ZMAT4: variants seen among roughly 807,000 people sequenced by gnomAD.
ZMAT4 encodes the protein zinc finger matrin-type protein 4.
A neutral mutation model predicts 28.7 loss-of-function variants in ZMAT4; 17 were observed. The observed-to-expected ratio is 0.59, with a 90% CI of 0.41 to 0.89. The LOEUF (loss-of-function observed/expected upper bound fraction) is 0.89, where lower values mean the gene tolerates loss of function less well. ZMAT4 is among the 40% of genes least tolerant of loss of function. The pLI, the probability that ZMAT4 is intolerant of heterozygous loss-of-function variation, is 0.00. For synonymous variants in ZMAT4, 117 were observed against 109.2 expected, an observed-to-expected ratio of 1.07 and a Z score of -0.44; for missense variants, 240 against 283.8, an observed-to-expected ratio of 0.85 and a Z score of 1.11.
At chr8:40,581,390 A>G in intron 5 of ZMAT4, 129 bp from the exon 6 acceptor site, 1 of 660,472 alleles carries the variant, frequency 1.5e-6, no homozygotes, top group Non-Finnish European at 2.7e-6. Context: ...CAACACTTCA[A>G]CCCTTCCTTG....
At chr8:40,700,052 A>T (rs1810065107) in intron 3 of ZMAT4, among the ~76,000 whole-genome samples, 1 of 152,220 alleles carries the variant, frequency 6.6e-6, no homozygotes, top group African/African-American at 2.4e-5. Context: ...GACTTATGGT[A>T]TGTATTTACC....
At chr8:40,622,186 G>A (rs1257540926) in intron 5 of ZMAT4, among the ~76,000 whole-genome samples, 1 of 152,192 alleles carries the variant, frequency 6.6e-6, no homozygotes, top group Non-Finnish European at 1.5e-5. Context: ...TATGGCTTAT[G>A]TTTCATATGT....
chr8:40,797,911 T>C (rs1321003452), intron 2 of ZMAT4, among the ~76,000 whole-genome samples: 2 of 152,182 alleles, frequency 1.3e-5, no homozygotes, highest in Non-Finnish European at 2.9e-5. Context: ...CAGAACCCTC[T>C]AAGGAGTGAG....
intron 5 of ZMAT4, among the ~76,000 whole-genome samples, chr8:40,657,963 T>A (rs1585832479): frequency 6.6e-6 from 1 of 152,320 alleles, no homozygotes; most frequent in Middle Eastern, 3.4e-3. Flanking sequence ...GTGTTTTAAT[T>A]TTTAAAAATA....
At chr8:40,615,754 T>C (rs1340139175) in intron 5 of ZMAT4, among the ~76,000 whole-genome samples, 1 of 152,246 alleles carries the variant, frequency 6.6e-6, no homozygotes, top group Non-Finnish European at 1.5e-5. Flanking sequence ...CAAGTAGTTC[T>C]CGTGCCATGG....
intron 1 of ZMAT4, among the ~76,000 whole-genome samples, chr8:40,858,548 G>A (rs1817378900): frequency 6.6e-6 from 1 of 152,208 alleles, no homozygotes; most frequent in Admixed American, 6.5e-5. Context: ...TGGCTGAGAA[G>A]ATGGCTTCAT....
intron 3 of ZMAT4, among the ~76,000 whole-genome samples, chr8:40,705,175 G>GT (rs978573262): frequency 1.2e-4 from 18 of 152,160 alleles, no homozygotes; most frequent in African/African-American, 3.6e-4. Context: ...GCTTTAGCTT[G>GT]TTTTTTCAGT....
At chr8:40,677,395 A>G (rs774241332) in intron 4 of ZMAT4, among the ~76,000 whole-genome samples, 2 of 152,142 alleles carry the variant, frequency 1.3e-5, no homozygotes, top group Non-Finnish European at 2.9e-5. Flanking sequence ...GCAGTAGCAT[A>G]AAAACAGCCT....
intron 3 of ZMAT4, among the ~76,000 whole-genome samples, chr8:40,716,670 C>T (rs547939058): frequency 4.0e-5 from 6 of 151,880 alleles, no homozygotes; most frequent in East Asian, 1.9e-4. Context: ...CCAGCCTGGG[C>T]GACAGAACGA....
chr8:40,727,815 A>T (rs1191297124), intron 3 of ZMAT4, among the ~76,000 whole-genome samples: 1 of 138,018 alleles, frequency 7.2e-6, no homozygotes, highest in East Asian at 2.9e-4. Flanking sequence ...GGTTAAGACA[A>T]GATAAAAATC....
chr8:40,878,267 C>G (rs866387074), intron 1 of ZMAT4, among the ~76,000 whole-genome samples: 4 of 152,180 alleles, frequency 2.6e-5, no homozygotes, highest in African/African-American at 9.7e-5. Context: ...CCTGTCCCCC[C>G]AGTCCTCACT....
At chr8:40,824,483 A>G (rs1397103892) in intron 2 of ZMAT4, among the ~76,000 whole-genome samples, 1 of 152,082 alleles carries the variant, frequency 6.6e-6, no homozygotes. Context: ...GAAAGAAAAG[A>G]AAAGAAAGAA....
At chr8:40,535,693 T>G (rs761790251) in intron 6 of ZMAT4, among the ~76,000 whole-genome samples, 1 of 150,996 alleles carries the variant, frequency 6.6e-6, no homozygotes, top group Admixed American at 6.6e-5. Context: ...TGACCAGATA[T>G]GTACACAATC....
intron 2 of ZMAT4, among the ~76,000 whole-genome samples, chr8:40,768,186 A>C (rs1813241566): frequency 6.6e-6 from 1 of 152,140 alleles, no homozygotes; most frequent in South Asian, 2.1e-4. Context: ...TGGCTCTCCC[A>C]CACACAGACT....
At chr8:40,801,351 A>ATATATAT (rs1554559738) in intron 2 of ZMAT4, among the ~76,000 whole-genome samples, 4 of 97,258 alleles carry the variant, frequency 4.1e-5, no homozygotes, top group African/African-American at 1.1e-4. Flanking sequence ...TAAAAAAAAA[A>ATATATAT]ATATATATAT....
At chr8:40,881,582 GAAAGAAAGAAAGAAAGAAAAGAA>G (rs1818266165) in intron 1 of ZMAT4, among the ~76,000 whole-genome samples, 4 of 106,708 alleles carry the variant, frequency 3.7e-5, no homozygotes, top group African/African-American at 1.5e-4. Context: ...AAGAAAGAAA[GAAAGAAAGAAAGAAAGAAAAGAA>G]AAGAAAAGAG....
At position 40,707,228 on chromosome 8, in the gene ZMAT4, C is replaced by G. The variant is rs551010458; in HGVS notation, c.193-9827G>C. ...CCTTCAGGCCTGCCCCCCCACCCCC[C>G]CACCCCCATCTGACAGCACTAAGCA... On this transcript the variant is annotated intron_variant, in intron 3 of 6. Transcript: ENST00000297737. Among the ~76,000 whole-genome samples the G allele has an allele frequency of 4.9e-4, 68 of 137,392 alleles. 1 individual carries two copies. In the South Asian group the frequency reaches 0.019, roughly 38 times the overall value. 90.1% of individuals were successfully genotyped at this position (137,392 alleles called of 152,430 possible).
At chr8:40,601,687 A>G (rs1805384898) in intron 5 of ZMAT4, among the ~76,000 whole-genome samples, 3 of 30,578 alleles carry the variant, frequency 9.8e-5, no homozygotes, top group African/African-American at 3.1e-4. Flanking sequence ...AAAGAAAGAA[A>G]GAAAGAAAGA....
intron 5 of ZMAT4, among the ~76,000 whole-genome samples, chr8:40,611,912 T>A (rs773804577): frequency 2.0e-5 from 3 of 152,200 alleles, no homozygotes; most frequent in Non-Finnish European, 4.4e-5. Context: ...AGATTTAGGG[T>A]CTGGAAACTA....
Sources: allele counts gnomAD v4.1 joint callset (sites outside exome capture counted in the v4.1 genomes callset), GRCh38; gene constraint gnomAD v4.1.1; transcripts MANE v1.5; gene names NCBI Gene and HGNC (gene_info 2026-07-23, HGNC 2026-07-21).